PTPN4: variants seen among roughly 807,000 people sequenced by gnomAD.
The protein encoded by PTPN4 is protein tyrosine phosphatase non-receptor type 4, also known as tyrosine-protein phosphatase non-receptor type 4.
A neutral mutation model predicts 135.5 loss-of-function variants in PTPN4; 49 were observed. The ratio of observed to expected loss-of-function variants is 0.36; its 90% CI spans 0.29 to 0.46. The LOEUF is 0.46. Among genes scored for constraint, PTPN4 ranks in the 20% least tolerant of loss-of-function variants. The pLI, the probability that PTPN4 is intolerant of heterozygous loss-of-function variation, is 1.00. For synonymous variants in PTPN4, 333 were observed against 369.9 expected (o/e 0.90, Z 1.14); for missense variants, 860 against 1,101.0 (o/e 0.78, Z 3.10).
At chr2:119,972,482 C>T (rs541675576) in intron 26 of PTPN4, among the ~76,000 whole-genome samples, 5 of 152,108 alleles carry the variant, frequency 3.3e-5, no homozygotes, top group African/African-American at 1.2e-4. Context: ...TTGACAAGAT[C>T]ATGTCATCAT....
Position 119,885,821 on chromosome 2 carries a change from T to G in PTPN4, c.614T>G (p.Phe205Cys). The G allele has an allele frequency of 6.2e-7, 1 of 1,602,276 alleles. No individual in the cohort carries two copies. The highest frequency in any genetic ancestry group is 8.5e-7 in the Non-Finnish European group (1 of 1,175,468). Reference sequence around the variant, plus strand: ...GGCTTATCTCCTGCAGAAGCAGAATTTAATTACCTAAACACAGCACGTACC... The same window carrying G: ...GGCTTATCTCCTGCAGAAGCAGAATGTAATTACCTAAACACAGCACGTACC... ...HIGLSPAEAE[F>C]NYLNTARTLE... The change falls in exon 9 of 27, where the codon TTT becomes TGT. Residue 205 changes from phenylalanine to cysteine, a missense_variant. Phe to Cys is a radical substitution (Grantham distance 205, BLOSUM62 -2). This residue lies in a region of PTPN4 where 684 missense variants were observed against 807.0 expected (regional missense o/e 0.85). Transcript: ENST00000263708.
chr2:119,881,747 T>G (rs769854427), intron 5 of PTPN4, 39 bp from the exon 6 acceptor site: 44 of 1,370,764 alleles, frequency 3.2e-5, no homozygotes, highest in Non-Finnish European at 4.2e-5. Flanking sequence ...TTGTTACAAT[T>G]CTATTAAATG....
chr2:119,872,505 T>G (rs2104994730), intron 3 of PTPN4, among the ~76,000 whole-genome samples: 1 of 152,292 alleles, frequency 6.6e-6, no homozygotes, highest in Admixed American at 6.5e-5. Flanking sequence ...TCCTGAAATA[T>G]CTTACCTTTA....
chr2:119,847,328 A>ATATTTT (rs1257711116), intron 2 of PTPN4, among the ~76,000 whole-genome samples: 13 of 102,732 alleles, frequency 1.3e-4, no homozygotes, highest in East Asian at 4.9e-4. Context: ...ATATATATAT[A>ATATTTT]TTTTTTTTTT....
At chr2:119,789,671 C>T (rs12328173) in intron 1 of PTPN4, among the ~76,000 whole-genome samples, 8 of 152,032 alleles carry the variant, frequency 5.3e-5, no homozygotes, top group Non-Finnish European at 1.0e-4. Flanking sequence ...CTTATGAATG[C>T]GTTATTTTTC....
rs1690459828 is a variant in PTPN4 at position 119,760,397 on chromosome 2, C to G, written c.-18+13C>G. 1 of 387,610 alleles carries G rather than the reference C, an allele frequency of 2.6e-6. No individual in the cohort carries two copies. Among genetic ancestry groups the G allele is most frequent in the Non-Finnish European group, 4.6e-6 (1 of 219,406 alleles). The allele number at this position is 387,610 out of a possible 1,614,324, so 24.0% of individuals were successfully genotyped here. ...GTGATATACGAAGGTAAGAGGTTCT[C>G]CGGTCCCCGCCGGCCTCTCGGCCCT... is the stretch of plus-strand genomic sequence containing the variant. On this transcript the variant is annotated intron_variant, in intron 1 of 26. Coordinates refer to ENST00000263708, the MANE Select transcript of PTPN4 (RefSeq NM_002830.4).
chr2:119,914,923 T>C (rs2105025137), intron 10 of PTPN4, among the ~76,000 whole-genome samples: 1 of 152,342 alleles, frequency 6.6e-6, no homozygotes, highest in East Asian at 1.9e-4. Flanking sequence ...AAGTTAGTGA[T>C]AGTTTTTGAA....
At chr2:119,849,584 T>C (rs1023391464) in intron 2 of PTPN4, among the ~76,000 whole-genome samples, 2 of 152,218 alleles carry the variant, frequency 1.3e-5, no homozygotes, top group African/African-American at 4.8e-5. Context: ...ATTAGAGGTG[T>C]GAGCCACCGC....
intron 5 of PTPN4, 130 bp from the exon 6 acceptor site, chr2:119,881,656 G>A: frequency 1.7e-6 from 1 of 604,988 alleles, no homozygotes; most frequent in Non-Finnish European, 2.7e-6. Flanking sequence ...TACTTTACAT[G>A]TTTTAATATG....
At position 119,960,907 on chromosome 2, in the gene PTPN4, G is replaced by C; in HGVS notation, c.2234G>C (p.Gly745Ala). 4 of 1,613,944 alleles carry C rather than the reference G, an allele frequency of 2.5e-6. No individual in the cohort carries two copies. Among genetic ancestry groups the C allele is most frequent in the Non-Finnish European group, 3.4e-6 (4 of 1,179,934 alleles). ...TDFWQMTWEQ[G>A]SSMVVMLTTQ... Reference sequence around the variant, plus strand: ...TTTTGGCAGATGACTTGGGAACAAGGCTCCTCTATGGTTGTAATGTTGACC... The same window carrying C: ...TTTTGGCAGATGACTTGGGAACAAGCCTCCTCTATGGTTGTAATGTTGACC... The change falls in exon 23 of 27, where the codon GGC becomes GCC. Residue 745 changes from glycine to alanine, a missense_variant. By Grantham distance (60) the Gly-to-Ala change is moderately conservative. Transcript: ENST00000263708.
intron 18 of PTPN4, 188 bp downstream of exon 18, chr2:119,946,762 TC>T (rs1679140827): frequency 4.1e-6 from 2 of 488,918 alleles, no homozygotes; most frequent in Non-Finnish European, 7.2e-6. Context: ...GTATTTAAAA[TC>T]CCTGTTTTTA....
intron 24 of PTPN4, among the ~76,000 whole-genome samples, 198 bp downstream of exon 24, chr2:119,962,942 T>C (rs559158598): frequency 2.6e-5 from 4 of 152,318 alleles, no homozygotes; most frequent in African/African-American, 9.6e-5. Context: ...TGTTTTTCTT[T>C]AGTTTCTATG....
chr2:119,851,212 C>T (rs955603522), intron 2 of PTPN4, among the ~76,000 whole-genome samples: 4 of 152,066 alleles, frequency 2.6e-5, no homozygotes, highest in Non-Finnish European at 2.9e-5. Context: ...CTGTTGTTAC[C>T]GGTGGAAGGT....
At chr2:119,811,501 A>G (rs776020514) in intron 2 of PTPN4, among the ~76,000 whole-genome samples, 7 of 152,188 alleles carry the variant, frequency 4.6e-5, no homozygotes, top group Non-Finnish European at 8.8e-5. Flanking sequence ...TAGTTGGAAT[A>G]TAGGTTGCCA....
intron 14 of PTPN4, among the ~76,000 whole-genome samples, chr2:119,933,372 T>C (rs970698166): frequency 6.6e-6 from 1 of 152,184 alleles, no homozygotes; most frequent in Non-Finnish European, 1.5e-5. Context: ...TAATGTTTAA[T>C]AAATTTGTAT....
chr2:119,980,249 C>A lies in PTPN4; in HGVS notation c.*3179C>A, dbSNP rs1046433. 0.34 allele frequency: 52,356 copies of A among 151,864 alleles called. 9,591 individuals carry two copies. Among genetic ancestry groups the A allele is most frequent in the African/African-American group, 0.47 (19,328 of 41,442 alleles). The allele number at this position is 151,864 out of a possible 1,614,324, so 9.4% of individuals were successfully genotyped here. On this transcript the variant is annotated 3_prime_UTR_variant, in exon 27 of 27. Transcript: ENST00000263708. ...CAAATATGTGTACACACACATAGAG[C>A]TACTTTTGTGTGTTTATTTATATGT... is the stretch of plus-strand genomic sequence containing the variant.
chr2:119,906,463 C>A (rs1363187214), intron 10 of PTPN4, among the ~76,000 whole-genome samples: 1 of 152,174 alleles, frequency 6.6e-6, no homozygotes. Flanking sequence ...CGTATCTACA[C>A]GTGATCAAGT....
chr2:119,833,448 T>C (rs1219011355), intron 2 of PTPN4, among the ~76,000 whole-genome samples: 1 of 152,180 alleles, frequency 6.6e-6, no homozygotes, highest in Non-Finnish European at 1.5e-5. Context: ...CAAATCCTTT[T>C]GTATCTTTAA....
intron 18 of PTPN4, among the ~76,000 whole-genome samples, chr2:119,950,742 C>G (rs960231693): frequency 6.6e-6 from 1 of 152,120 alleles, no homozygotes; most frequent in Non-Finnish European, 1.5e-5. Context: ...TGCTATGTTC[C>G]CAGAACATGT....
Sources: gnomAD v4.1 joint callset for allele counts (sites outside exome capture counted in the v4.1 genomes callset) on GRCh38, gnomAD v4.1.1 for gene constraint, gnomAD v4.1.1 regional missense constraint, MANE v1.5 for transcripts, NCBI Gene and HGNC (gene_info 2026-07-23, HGNC 2026-07-21) for gene names.